Variants in CUL4A observed in about 807,000 individuals in gnomAD.
CUL4A encodes the protein cullin 4A.
Under a neutral mutation model 95.5 loss-of-function variants are expected in CUL4A, and 16 were observed. That is an observed-to-expected ratio of 0.17 (90% CI 0.11 to 0.25). CUL4A has a LOEUF of 0.25. CUL4A is among the 10% of genes least tolerant of loss of function. CUL4A has a pLI of 1.00. For missense variants in CUL4A, 610 were observed against 937.0 expected (o/e 0.65, Z 4.56); for synonymous variants, 380 against 353.1 (o/e 1.08, Z -0.85).
At chr13:113,240,813 G>A (rs1461417715) in intron 10 of CUL4A, among the ~76,000 whole-genome samples, 3 of 152,076 alleles carry the variant, frequency 2.0e-5, no homozygotes, top group Non-Finnish European at 4.4e-5. Flanking sequence ...GATGAGTTAC[G>A]AGTAAACTGG....
At chr13:113,250,994 G>T (rs9549713) in intron 15 of CUL4A, among the ~76,000 whole-genome samples, 31,282 of 151,952 alleles carry the variant, frequency 0.21, 3,862 homozygotes, top group South Asian at 0.42. Context: ...ATTTCTGACA[G>T]GGCACAGCTT....
At chr13:113,218,039 C>A (rs891312018) in intron 2 of CUL4A, among the ~76,000 whole-genome samples, 4 of 152,200 alleles carry the variant, frequency 2.6e-5, no homozygotes, top group Non-Finnish European at 5.9e-5. Context: ...GCGTTTGAGA[C>A]CGGCCTGGCC....
intron 18 of CUL4A, among the ~76,000 whole-genome samples, chr13:113,258,823 G>A (rs2042198148): frequency 6.6e-6 from 1 of 152,184 alleles, no homozygotes; most frequent in Non-Finnish European, 1.5e-5. Flanking sequence ...CTTTGCTCAG[G>A]AACTGAAAGA....
chr13:113,219,182 G>A, intron 3 of CUL4A, 134 bp downstream of exon 3: 1 of 530,682 alleles, frequency 1.9e-6, no homozygotes, highest in Non-Finnish European at 3.2e-6. Flanking sequence ...TTATTTGATA[G>A]GTTTGTAAGC....
chr13:113,221,939 A>T (rs2040913858), intron 3 of CUL4A, among the ~76,000 whole-genome samples: 1 of 152,186 alleles, frequency 6.6e-6, no homozygotes, highest in African/African-American at 2.4e-5. Context: ...CAGCTAGCCC[A>T]CCTGTGTAGG....
chr13:113,225,090 C>G (rs558240493), intron 3 of CUL4A, among the ~76,000 whole-genome samples: 1 of 151,844 alleles, frequency 6.6e-6, no homozygotes, highest in South Asian at 2.1e-4. Flanking sequence ...ATGGTGTAAG[C>G]ATTTCTGCTG....
At chr13:113,254,455 G>A (rs746668648) in intron 16 of CUL4A, among the ~76,000 whole-genome samples, 6 of 151,938 alleles carry the variant, frequency 3.9e-5, no homozygotes, top group South Asian at 4.1e-4. Context: ...AAAATTAGCC[G>A]GGCTTGGTAG....
chr13:113,235,470 T>C (rs2041507707), intron 8 of CUL4A, among the ~76,000 whole-genome samples: 1 of 152,216 alleles, frequency 6.6e-6, no homozygotes, highest in South Asian at 2.1e-4. Context: ...TGTTACACAT[T>C]TTATATCGCT....
intron 2 of CUL4A, 26 bp downstream of exon 2, chr13:113,210,114 C>A: frequency 1.4e-6 from 2 of 1,434,604 alleles, no homozygotes; most frequent in Non-Finnish European, 9.3e-7. Context: ...GGGCTGGGGA[C>A]GCCGCTCCTG....
At chr13:113,217,496 T>C (rs950525550) in intron 2 of CUL4A, among the ~76,000 whole-genome samples, 8 of 152,204 alleles carry the variant, frequency 5.3e-5, no homozygotes, top group African/African-American at 1.9e-4. Context: ...ATTATAATTA[T>C]TCCACATCCT....
intron 5 of CUL4A, among the ~76,000 whole-genome samples, chr13:113,231,645 A>G (rs1282238306): frequency 1.3e-5 from 2 of 152,138 alleles, no homozygotes; most frequent in African/African-American, 4.8e-5. Flanking sequence ...TCCCCATTTT[A>G]ACAGTTCAGG....
upstream of CUL4A, chr13:113,208,292 G>A (rs1277999559): frequency 7.0e-6 from 10 of 1,432,784 alleles, no homozygotes; most frequent in South Asian, 7.4e-5. Flanking sequence ...CCGCCTGGGA[G>A]CGCGGCCACA....
chr13:113,239,651 T>C (rs745616159), intron 10 of CUL4A, 100 bp downstream of exon 10: 155 of 812,050 alleles, frequency 1.9e-4, no homozygotes, highest in Non-Finnish European at 2.7e-4. Flanking sequence ...GGAACTGGGC[T>C]GCTGGAGGGC....
chr13:113,225,173 T>G (rs1327758311), intron 3 of CUL4A, among the ~76,000 whole-genome samples: 2 of 152,200 alleles, frequency 1.3e-5, no homozygotes, highest in Non-Finnish European at 2.9e-5. Context: ...TAATGAAGAT[T>G]GGCCCTTTTC....
upstream of CUL4A, chr13:113,209,478 G>C (rs1409593524): frequency 4.6e-5 from 13 of 280,934 alleles, 1 homozygote; most frequent in Non-Finnish European, 6.4e-5. Context: ...GGAGTAGCCG[G>C]GCGCGGCGGC....
chr13:113,216,526 G>A (rs987806467), intron 2 of CUL4A, among the ~76,000 whole-genome samples: 2 of 152,210 alleles, frequency 1.3e-5, no homozygotes, highest in Non-Finnish European at 2.9e-5. Flanking sequence ...ACTAATAGGA[G>A]TAGAATGCAA....
chr13:113,223,872 G>T (rs547255938), intron 3 of CUL4A, among the ~76,000 whole-genome samples: 1 of 152,100 alleles, frequency 6.6e-6, no homozygotes, highest in Non-Finnish European at 1.5e-5. Context: ...GATAAATTCT[G>T]CACTTAGCTG....
At chr13:113,209,603 G>T, upstream of CUL4A, 2 of 1,013,476 alleles carry the variant, frequency 2.0e-6, no homozygotes, top group Admixed American at 6.0e-5. Flanking sequence ...CGCTCGGGGC[G>T]GGGCGCGGCG....
At position 113,253,087 on chromosome 13, in the gene CUL4A, T is replaced by C; in HGVS notation, c.1644T>C (p.Ile548=). 6.3e-7 allele frequency: 1 copy of C among 1,582,792 alleles called. No individual in the cohort carries two copies. Among genetic ancestry groups the C allele is most frequent in the Non-Finnish European group, 8.6e-7 (1 of 1,158,594 alleles). The change falls in exon 16 of 20, where the codon ATT becomes ATC. Residue 548 remains isoleucine (I), a synonymous_variant. Transcript: ENST00000375440. Reference sequence around the variant, plus strand: ...TGTTCTCCTATGCTTAACAGATGATTAAACTTCAGGAAGTATTTAAGGCAT... The same window carrying C: ...TGTTCTCCTATGCTTAACAGATGATCAAACTTCAGGAAGTATTTAAGGCAT... ...PMEVHLTPEM[I]KLQEVFKAFY...
Sources: allele counts gnomAD v4.1 joint callset (sites outside exome capture counted in the v4.1 genomes callset), GRCh38; gene constraint gnomAD v4.1.1; transcripts MANE v1.5; gene names NCBI Gene and HGNC (gene_info 2026-07-23, HGNC 2026-07-21).